Variants in FAF1 observed in about 807,000 individuals in gnomAD.
FAF1 encodes the protein FAS-associated factor 1.
FAF1 carries 25 observed loss-of-function variants against 92.5 expected under a neutral mutation model. The ratio of observed to expected loss-of-function variants is 0.27; its 90% CI spans 0.20 to 0.38. The LOEUF (loss-of-function observed/expected upper bound fraction) is 0.38. Ranked by LOEUF, FAF1 falls within the 10% of genes least tolerant of loss-of-function variation. The pLI, the probability that FAF1 is intolerant of heterozygous loss-of-function variation, is 1.00. For missense variants in FAF1, 636 were observed against 793.3 expected (o/e 0.80, Z 2.38); for synonymous variants, 234 against 273.2 (o/e 0.86, Z 1.42).
chr1:50,637,689 G>A (rs985803601), intron 8 of FAF1, among the ~76,000 whole-genome samples: 31 of 149,866 alleles, frequency 2.1e-4, no homozygotes, highest in Admixed American at 8.0e-4. Flanking sequence ...ATATGTGTGT[G>A]TGTGTGTGTG....
chr1:50,741,129 C>T (rs1412472183), intron 5 of FAF1, among the ~76,000 whole-genome samples: 1 of 152,180 alleles, frequency 6.6e-6, no homozygotes, highest in Non-Finnish European at 1.5e-5. Flanking sequence ...TCTATTAATA[C>T]TGGTGTGATG....
At chr1:50,454,053 A>G (rs2148982388) in intron 18 of FAF1, among the ~76,000 whole-genome samples, 1 of 152,364 alleles carries the variant, frequency 6.6e-6, no homozygotes, top group South Asian at 2.1e-4. Flanking sequence ...TGGACCTGCT[A>G]TGAGCATCAT....
intron 6 of FAF1, among the ~76,000 whole-genome samples, chr1:50,711,073 T>A (rs1202440792): frequency 6.6e-6 from 1 of 150,982 alleles, no homozygotes; most frequent in African/African-American, 2.4e-5. Context: ...CCACATCCAG[T>A]TAATTTTGGT....
chr1:50,708,115 G>A (rs573354957), intron 6 of FAF1, among the ~76,000 whole-genome samples: 1 of 152,184 alleles, frequency 6.6e-6, no homozygotes, highest in South Asian at 2.1e-4. Context: ...GCCCGCCCCT[G>A]GAACATTTTA....
chr1:50,799,685 A>T (rs1296812926), intron 3 of FAF1, among the ~76,000 whole-genome samples: 1 of 152,228 alleles, frequency 6.6e-6, no homozygotes, highest in Non-Finnish European at 1.5e-5. Context: ...TTTAAACTAT[A>T]GTATTTGATA....
chr1:50,904,076 G>A (rs1254318315), intron 1 of FAF1, among the ~76,000 whole-genome samples: 3 of 152,096 alleles, frequency 2.0e-5, no homozygotes, highest in African/African-American at 4.8e-5. Context: ...GTATATCAAC[G>A]TTCATAGCAG....
intron 14 of FAF1, among the ~76,000 whole-genome samples, chr1:50,536,424 C>T (rs1028345572): frequency 1.3e-5 from 2 of 152,150 alleles, no homozygotes; most frequent in East Asian, 1.9e-4. Context: ...ATCTTCTTCT[C>T]CATTAATGCA....
chr1:50,915,900 C>T (rs1165160608), intron 1 of FAF1, among the ~76,000 whole-genome samples: 2 of 152,060 alleles, frequency 1.3e-5, no homozygotes, highest in Non-Finnish European at 2.9e-5. Context: ...CAAGCAGGAA[C>T]CTTTAAAAAT....
intron 4 of FAF1, among the ~76,000 whole-genome samples, chr1:50,775,844 A>G (rs779947508): frequency 1.3e-5 from 2 of 152,172 alleles, no homozygotes; most frequent in South Asian, 2.1e-4. Flanking sequence ...AAAAAATTCT[A>G]TCAAGTCTAA....
intron 6 of FAF1, among the ~76,000 whole-genome samples, chr1:50,724,949 C>T (rs1258929464): frequency 2.0e-5 from 3 of 152,166 alleles, no homozygotes; most frequent in Non-Finnish European, 4.4e-5. Context: ...TCTGAAGACT[C>T]AATCATAACT....
intron 5 of FAF1, 92 bp downstream of exon 5, chr1:50,744,592 G>A: frequency 1.2e-6 from 1 of 808,132 alleles, no homozygotes. Context: ...ACTGCCATAT[G>A]TAACAACATT....
intron 1 of FAF1, among the ~76,000 whole-genome samples, chr1:50,957,476 C>T (rs753849995): frequency 2.0e-3 from 297 of 151,596 alleles, no homozygotes; most frequent in Non-Finnish European, 3.5e-3. Context: ...CTCAGCCTCC[C>T]GAGTAGCTGG....
At chr1:50,481,553 C>T (rs1277876638) in intron 17 of FAF1, among the ~76,000 whole-genome samples, 1 of 152,132 alleles carries the variant, frequency 6.6e-6, no homozygotes, top group African/African-American at 2.4e-5. Context: ...GCAGGCTATA[C>T]TATCTATGTT....
chr1:50,920,472 AG>A (rs879614779), intron 1 of FAF1, among the ~76,000 whole-genome samples: 5 of 152,176 alleles, frequency 3.3e-5, no homozygotes, highest in Non-Finnish European at 7.3e-5. Context: ...GATGCACCCA[AG>A]ATTCCTCTAA....
chr1:50,736,721 A>AATGTACTCCAATG (rs1659154585), intron 6 of FAF1, among the ~76,000 whole-genome samples: 1 of 152,146 alleles, frequency 6.6e-6, no homozygotes, highest in Non-Finnish European at 1.5e-5. Context: ...ATTGTACTCC[A>AATGTACTCCAATG]GCCTGGGCAA....
rs778583887 is a variant in FAF1, at chr1:50,931,888, A to AATAAT, written c.45+27878_45+27879insATTAT. ...GACTCTGTCTCAAAAATAAATAAATAAATAATAATAATAATAATAATAATA... is the reference window on the plus strand; with the variant it reads ...GACTCTGTCTCAAAAATAAATAAATAATAATAATAATAATAATAATAATAATAATA... On this transcript the variant is annotated intron_variant, in intron 1 of 18. Coordinates refer to ENST00000396153, the MANE Select transcript of FAF1 (RefSeq NM_007051.3). Among the ~76,000 whole-genome samples, 21 of 129,482 alleles carry AATAAT rather than the reference A, an allele frequency of 1.6e-4. No individual in the cohort carries two copies. The East Asian group carries it at 2.0e-3, about 12-fold the overall frequency. 84.9% of individuals were successfully genotyped at this position (129,482 alleles called of 152,430 possible).
intron 18 of FAF1, among the ~76,000 whole-genome samples, chr1:50,473,010 T>C (rs1214531513): frequency 6.6e-6 from 1 of 152,214 alleles, no homozygotes; most frequent in Non-Finnish European, 1.5e-5. Flanking sequence ...CTAGAGCATC[T>C]GTTCTCATTT....
chr1:50,750,501 T>C (rs1281370334), intron 4 of FAF1, among the ~76,000 whole-genome samples: 1 of 152,154 alleles, frequency 6.6e-6, no homozygotes, highest in East Asian at 1.9e-4. Context: ...ACTTTCCTCA[T>C]ACATTCTTAG....
At chr1:50,692,270 TG>T (rs1656968971) in intron 7 of FAF1, among the ~76,000 whole-genome samples, 1 of 151,554 alleles carries the variant, frequency 6.6e-6, no homozygotes, top group Non-Finnish European at 1.5e-5. Flanking sequence ...TGTGTGTGTG[TG>T]TGTGTGTGTG....
Sources: allele counts gnomAD v4.1 joint callset (sites outside exome capture counted in the v4.1 genomes callset), GRCh38; gene constraint gnomAD v4.1.1; transcripts MANE v1.5; gene names NCBI Gene and HGNC (gene_info 2026-07-23, HGNC 2026-07-21).